The following STX5 variants were observed in gnomAD, a reference collection of about 807,000 sequenced individuals.
The protein encoded by STX5 is syntaxin 5, also known as syntaxin-5.
A neutral mutation model predicts 42.9 loss-of-function variants in STX5; 15 were observed. That is an observed-to-expected ratio of 0.35 (90% confidence interval 0.23 to 0.54). The LOEUF (loss-of-function observed/expected upper bound fraction) is 0.54. Ranked by LOEUF, STX5 falls within the 20% of genes least tolerant of loss-of-function variation. The pLI is 0.91. For missense variants in STX5, 430 were observed against 455.0 expected, an observed-to-expected ratio of 0.95 and a Z score of 0.50; for synonymous variants, 184 against 173.2, an observed-to-expected ratio of 1.06 and a Z score of -0.49.
intron 5 of STX5, 26 bp downstream of exon 5, chr11:62,827,129 G>A: frequency 6.2e-7 from 1 of 1,604,234 alleles, no homozygotes; most frequent in Non-Finnish European, 8.5e-7. Flanking sequence ...TGGAATGCTG[G>A]GCTCTCCTGA....
In STX5 at chr11:62,807,585, C is replaced by T. The variant is rs374675093; in HGVS notation, c.952G>A (p.Ala318Thr). 28 of 1,613,994 alleles carry T rather than the reference C, an allele frequency of 1.7e-5. No homozygotes were observed. The highest frequency in any genetic ancestry group is 2.2e-5 in the Non-Finnish European group (26 of 1,180,018). ...AAGTACTTGAGGATCTCTGAATGGG[C>T]GGCCTCAACGTCCAGCTGGGCTCCT... ...VLGAQLDVEA[A>T]HSEILKYFQS... is the part of the protein sequence containing the mutation. The change falls in exon 11 of 11, where the codon GCC (alanine) becomes ACC (threonine). Residue 318 changes from alanine to threonine, a missense_variant. Physicochemically the swap from Ala to Thr is moderately conservative, Grantham distance 58. Coordinates refer to ENST00000294179, the MANE Select transcript of STX5 (RefSeq NM_003164.5).
At chr11:62,826,328 T>C (rs1291893854) in intron 5 of STX5, among the ~76,000 whole-genome samples, 1 of 149,722 alleles carries the variant, frequency 6.7e-6, no homozygotes, top group Non-Finnish European at 1.5e-5. Context: ...GAGGCTGAGG[T>C]GGGCGGATCA....
chr11:62,810,103 CAAAAAA>C (rs11405544), intron 10 of STX5, among the ~76,000 whole-genome samples: 4 of 97,616 alleles, frequency 4.1e-5, no homozygotes, highest in Non-Finnish European at 4.0e-5. Flanking sequence ...GACTCCATCT[CAAAAAA>C]AAAAAAAAAA....
chr11:62,821,891 T>A (rs1310789173), intron 10 of STX5, among the ~76,000 whole-genome samples: 1 of 151,040 alleles, frequency 6.6e-6, no homozygotes, highest in Non-Finnish European at 1.5e-5. Flanking sequence ...CTGGGCGTGG[T>A]CTCACGCACT....
rs1032495150 is a variant in STX5 at position 62,821,666 on chromosome 11, G to A, written c.908+2500C>T. Among the ~76,000 whole-genome samples, 13 of 151,968 alleles carry A rather than the reference G, an allele frequency of 8.6e-5. No homozygotes were observed. In the South Asian group the frequency reaches 2.5e-3, roughly 29 times the overall value. On this transcript the variant is annotated intron_variant, in intron 10 of 10. Transcript: ENST00000294179. ...TTGAACTCGGAGGGTGCAGTGAGGC[G>A]AGAGGTGCCATTGCACTCCAGCCTG...
chr11:62,831,647 C>T (rs2084867309), intron 1 of STX5, among the ~76,000 whole-genome samples: 1 of 152,114 alleles, frequency 6.6e-6, no homozygotes. Flanking sequence ...TGACGGACCT[C>T]CAAAGACTGA....
intron 10 of STX5, among the ~76,000 whole-genome samples, chr11:62,812,184 T>C (rs1291044259): frequency 6.6e-6 from 1 of 151,078 alleles, no homozygotes; most frequent in Non-Finnish European, 1.5e-5. Context: ...TTCAAACCAT[T>C]CTCCTGCCTC....
At chr11:62,826,835 G>A (rs1000109023) in intron 5 of STX5, among the ~76,000 whole-genome samples, 10 of 144,376 alleles carry the variant, frequency 6.9e-5, no homozygotes, top group South Asian at 2.2e-4. Context: ...AGCCAAGATC[G>A]CACCACTGCA....
intron 10 of STX5, among the ~76,000 whole-genome samples, chr11:62,820,125 C>T (rs1190451758): frequency 1.3e-5 from 2 of 151,610 alleles, no homozygotes; most frequent in Non-Finnish European, 2.9e-5. Context: ...AATCCCAGAA[C>T]TTTGGGAGGC....
At chr11:62,828,196 C>T (rs1161986247) in intron 2 of STX5, among the ~76,000 whole-genome samples, 1 of 151,900 alleles carries the variant, frequency 6.6e-6, no homozygotes, top group Non-Finnish European at 1.5e-5. Flanking sequence ...CTTACTGCGG[C>T]CTCGACATCC....
rs1337073800 is a variant in STX5, at chr11:62,827,719, CTCTAG to C, written c.226-93_226-89del. The C allele has an allele frequency of 2.2e-6, 3 of 1,348,402 alleles. No individual in the cohort carries two copies. The African/African-American group carries it at 4.3e-5, about 19-fold the overall frequency. The allele number at this position is 1,348,402 out of a possible 1,614,324, so 83.5% of individuals were successfully genotyped here. A position where few individuals can be genotyped will look rare whatever the true frequency, so the allele number is the denominator to read the frequency against. ...CTTCCTGAGGTGTCCACTAACCTATCTCTAGTGCTGGTGGCATCCATCAGATGATC... is the reference window on the plus strand; with the variant it reads ...CTTCCTGAGGTGTCCACTAACCTATCTGCTGGTGGCATCCATCAGATGATC... On this transcript the variant is annotated intron_variant, in intron 2 of 10. Transcript: ENST00000294179.
At chr11:62,809,467 G>A (rs2134802868) in intron 10 of STX5, among the ~76,000 whole-genome samples, 1 of 151,250 alleles carries the variant, frequency 6.6e-6, no homozygotes, top group Non-Finnish European at 1.5e-5. Flanking sequence ...GAGGTCAGGA[G>A]ATGGAGACCA....
Position 62,825,317 on chromosome 11 carries a change from T to A in STX5, c.563A>T (p.Asn188Ile), listed in dbSNP as rs199744345. The A allele has an allele frequency of 3.1e-6, 5 of 1,614,074 alleles. No homozygotes were observed. Among genetic ancestry groups the A allele is most frequent in the Non-Finnish European group, 3.4e-6 (4 of 1,180,048 alleles). Residue 188 changes from asparagine to isoleucine, a missense_variant, in exon 7 of 11, where the codon AAT becomes ATT. Coordinates refer to ENST00000294179, the MANE Select transcript of STX5 (RefSeq NM_003164.5). ...CACTTCTAAAACCGATTTGAAGTCA[T>A]TGGACATAGAAGCCAGTTTCGACTA... ...SLQSKLASMSNDFKSVLEVRT... is the reference protein window; with the variant it reads ...SLQSKLASMSIDFKSVLEVRT...
intron 5 of STX5, 133 bp from the exon 6 acceptor site, chr11:62,825,672 A>G: frequency 1.3e-6 from 1 of 799,214 alleles, no homozygotes; most frequent in East Asian, 2.5e-5. Context: ...TCAGACAGTC[A>G]GACCAGATGG....
At chr11:62,813,359 G>A (rs1198994942) in intron 10 of STX5, among the ~76,000 whole-genome samples, 1 of 152,136 alleles carries the variant, frequency 6.6e-6, no homozygotes, top group African/African-American at 2.4e-5. Context: ...AATGGCTGGT[G>A]CTCAACATAT....
intron 10 of STX5, among the ~76,000 whole-genome samples, chr11:62,821,800 G>A (rs1045379180): frequency 6.6e-6 from 1 of 151,992 alleles, no homozygotes; most frequent in African/African-American, 2.4e-5. Flanking sequence ...AGCTGAAGTG[G>A]GCGGATCATG....
At chr11:62,827,738 C>T in intron 2 of STX5, 107 bp from the exon 3 acceptor site, 1 of 1,143,460 alleles carries the variant, frequency 8.7e-7, no homozygotes, top group African/African-American at 1.5e-5. Flanking sequence ...TGGTGGCATC[C>T]ATCAGATGAT....
intron 10 of STX5, among the ~76,000 whole-genome samples, chr11:62,823,394 G>C (rs1172703900): frequency 6.6e-6 from 1 of 151,812 alleles, no homozygotes; most frequent in South Asian, 2.1e-4. Context: ...GGCTGGTCTT[G>C]AACTCCTGAG....
rs1450739049 is a variant in STX5, at chr11:62,825,326, G to A, written c.554C>T (p.Ser185Phe). The change falls in exon 7 of 11, where the codon TCT becomes TTT. Residue 185 changes from serine (S) to phenylalanine (F), a missense_variant. Coordinates refer to ENST00000294179, the MANE Select transcript of STX5 (RefSeq NM_003164.5). ...IVVSLQSKLA[S>F]MSNDFKSVLE... is the part of the protein sequence containing the mutation. Reference sequence around the variant, plus strand: ...AACCGATTTGAAGTCATTGGACATAGAAGCCAGTTTCGACTAGAAGAAAAG... The same window carrying A: ...AACCGATTTGAAGTCATTGGACATAAAAGCCAGTTTCGACTAGAAGAAAAG... 3 of 1,614,140 alleles carry A rather than the reference G, an allele frequency of 1.9e-6. No individual in the cohort carries two copies. In the South Asian group the frequency reaches 3.3e-5, roughly 18 times the overall value.
Sources: allele counts gnomAD v4.1 joint callset (sites outside exome capture counted in the v4.1 genomes callset), GRCh38; gene constraint gnomAD v4.1.1; transcripts MANE v1.5; gene names NCBI Gene and HGNC (gene_info 2026-07-23, HGNC 2026-07-21).